Variants in LRP1B observed in about 807,000 individuals in gnomAD.
LRP1B encodes LDL receptor related protein 1B.
Under a neutral mutation model 556.6 loss-of-function variants are expected in LRP1B, and 217 were observed. The ratio of observed to expected loss-of-function variants is 0.39; its 90% confidence interval spans 0.35 to 0.44. The LOEUF (loss-of-function observed/expected upper bound fraction) is 0.44. Ranked by LOEUF, LRP1B falls within the 20% of genes least tolerant of loss-of-function variation. The pLI, the probability that LRP1B is intolerant of heterozygous loss-of-function variation, is 1.00. For synonymous variants in LRP1B, 2,047 were observed against 1,865.8 expected, an observed-to-expected ratio of 1.10 and a Z score of -2.50; for missense variants, 5,053 against 5,620.8, an observed-to-expected ratio of 0.90 and a Z score of 3.23.
At chr2:141,738,278 C>T (rs1313758236) in intron 2 of LRP1B, among the ~76,000 whole-genome samples, 1 of 152,136 alleles carries the variant, frequency 6.6e-6, no homozygotes, top group African/African-American at 2.4e-5. Flanking sequence ...GTATCTCCTT[C>T]TCTCCCAATA....
intron 41 of LRP1B, among the ~76,000 whole-genome samples, chr2:140,679,684 A>T (rs546016977): frequency 6.6e-6 from 1 of 152,220 alleles, no homozygotes; most frequent in South Asian, 2.1e-4. Flanking sequence ...CCCCTTTATT[A>T]TGAATTTGGT....
chr2:141,367,268 AT>A (rs140463389), intron 3 of LRP1B, among the ~76,000 whole-genome samples: 3,790 of 152,078 alleles, frequency 0.025, 166 homozygotes, highest in African/African-American at 0.087. Context: ...CTAGTTAAAT[AT>A]TTTTTCATTA....
intron 27 of LRP1B, among the ~76,000 whole-genome samples, chr2:140,861,961 T>C (rs1336874410): frequency 6.6e-6 from 1 of 152,220 alleles, no homozygotes; most frequent in Non-Finnish European, 1.5e-5. Flanking sequence ...GCATTCTTCT[T>C]TGCCTTCCTT....
Position 141,086,429 on chromosome 2 carries a change from C to G in LRP1B, c.1014-24156G>C, listed in dbSNP as rs998455217. ...TCTCTTTCTATTAATGTGTCATAAC[C>G]CATTACTATCATTATCCTTTTTGAT... On this transcript the variant is annotated intron_variant, in intron 7 of 90. Coordinates refer to ENST00000389484, the MANE Select transcript of LRP1B (RefSeq NM_018557.3). 2.6e-5 allele frequency among the ~76,000 whole-genome samples: 4 copies of G among 152,006 alleles called. No homozygotes were observed. In the South Asian group the frequency reaches 6.2e-4, roughly 24 times the overall value.
At chr2:140,352,079 T>G (rs183621925) in intron 76 of LRP1B, among the ~76,000 whole-genome samples, 11 of 152,266 alleles carry the variant, frequency 7.2e-5, no homozygotes, top group Non-Finnish European at 4.4e-5. Flanking sequence ...CCAACAATAT[T>G]GAAGTTACAG....
chr2:140,672,482 T>TAAAAAAA lies in LRP1B; in HGVS notation c.6799+27761_6799+27767dup, dbSNP rs55884730. 7.4e-5 allele frequency among the ~76,000 whole-genome samples: 6 copies of TAAAAAAA among 81,576 alleles called. No individual in the cohort carries two copies. The East Asian group carries it at 1.2e-3, about 16-fold the overall frequency. 53.5% of individuals were successfully genotyped at this position (81,576 alleles called of 152,430 possible). A position where few individuals can be genotyped will look rare whatever the true frequency, so the allele number is the denominator to read the frequency against. On this transcript the variant is annotated intron_variant, in intron 41 of 90. Transcript: ENST00000389484. ...CTGGGTGACAGAATGAGACTCCATC[T>TAAAAAAA]AAAAAAAAAAAAAAAAAAAAAAAAA...
Position 140,871,087 on chromosome 2 carries a change from G to A in LRP1B, c.4170-2824C>T, listed in dbSNP as rs558942598. Among the ~76,000 whole-genome samples, 7 of 152,266 alleles carry A rather than the reference G, an allele frequency of 4.6e-5. No individual in the cohort carries two copies. In the South Asian group the frequency reaches 1.5e-3, roughly 32 times the overall value. ...AAATTAAAACACTGACATTTGGTAA[G>A]TGTTATTAGATAACTGTGTCAATAT... On this transcript the variant is annotated intron_variant, in intron 25 of 90. Transcript: ENST00000389484.
chr2:140,553,421 TA>T (rs1037534253), intron 43 of LRP1B, among the ~76,000 whole-genome samples: 77 of 73,174 alleles, frequency 1.1e-3, no homozygotes, highest in Admixed American at 5.9e-3. Flanking sequence ...ATTGTGCTCT[TA>T]ACACACACAC....
At chr2:140,816,098 T>A in intron 31 of LRP1B, among the ~76,000 whole-genome samples, 1 of 152,022 alleles carries the variant, frequency 6.6e-6, no homozygotes, top group East Asian at 1.9e-4. Context: ...TAGAAAAGTT[T>A]AGTTATCTTC....
At chr2:140,250,211 C>T (rs552616992) in intron 86 of LRP1B, among the ~76,000 whole-genome samples, 7 of 151,908 alleles carry the variant, frequency 4.6e-5, no homozygotes, top group East Asian at 1.9e-4. Flanking sequence ...AAATTGCAGA[C>T]GTTTCCCACT....
At chr2:141,123,129 T>C (rs1164384571) in intron 7 of LRP1B, among the ~76,000 whole-genome samples, 2 of 151,866 alleles carry the variant, frequency 1.3e-5, no homozygotes, top group Non-Finnish European at 2.9e-5. Context: ...CATTAGGAGA[T>C]ATACCTAATG....
intron 3 of LRP1B, among the ~76,000 whole-genome samples, chr2:141,457,864 G>A (rs561863656): frequency 1.7e-4 from 26 of 152,248 alleles, no homozygotes; most frequent in African/African-American, 5.5e-4. Context: ...GGCTTCTGGG[G>A]TACAAAGACA....
chr2:141,503,661 AAAAT>A (rs1683812506), intron 2 of LRP1B, among the ~76,000 whole-genome samples: 1 of 152,098 alleles, frequency 6.6e-6, no homozygotes, highest in South Asian at 2.1e-4. Flanking sequence ...TGCTTCTTCT[AAAAT>A]ATCACATCCT....
At chr2:140,278,811 A>G (rs1682796009) in intron 84 of LRP1B, among the ~76,000 whole-genome samples, 1 of 151,908 alleles carries the variant, frequency 6.6e-6, no homozygotes, top group African/African-American at 2.4e-5. Context: ...AAGACATTTC[A>G]TTTCTCCCAG....
intron 25 of LRP1B, among the ~76,000 whole-genome samples, chr2:140,877,727 C>A (rs1156472800): frequency 6.6e-6 from 1 of 152,172 alleles, no homozygotes; most frequent in East Asian, 1.9e-4. Flanking sequence ...CATTTCAAAT[C>A]TTCCCACCTT....
At chr2:141,197,669 C>T (rs1019807620) in intron 6 of LRP1B, among the ~76,000 whole-genome samples, 1 of 152,068 alleles carries the variant, frequency 6.6e-6, no homozygotes, top group African/African-American at 2.4e-5. Flanking sequence ...GGGGAAAAGT[C>T]TGAAAACAAG....
chr2:140,582,936 T>C (rs1270491923), intron 43 of LRP1B, among the ~76,000 whole-genome samples: 1 of 152,116 alleles, frequency 6.6e-6, no homozygotes, highest in Non-Finnish European at 1.5e-5. Context: ...TTGGGGTGAT[T>C]TGACCTTCTT....
chr2:140,538,407 C>A (rs571578622), intron 45 of LRP1B, among the ~76,000 whole-genome samples: 1 of 152,142 alleles, frequency 6.6e-6, no homozygotes, highest in East Asian at 1.9e-4. Context: ...TCCAGGTGTC[C>A]ATGGTTGCCA....
At chr2:141,673,823 CAATGA>C in intron 2 of LRP1B, among the ~76,000 whole-genome samples, 1 of 152,076 alleles carries the variant, frequency 6.6e-6, no homozygotes, top group Non-Finnish European at 1.5e-5. Context: ...TTGTCCACTG[CAATGA>C]TTTTTTTTAA....
Sources: gnomAD v4.1 joint callset for allele counts (sites outside exome capture counted in the v4.1 genomes callset) on GRCh38, gnomAD v4.1.1 for gene constraint, MANE v1.5 for transcripts, NCBI Gene and HGNC (gene_info 2026-07-23, HGNC 2026-07-21) for gene names.